L3MBTL4: variants seen among roughly 807,000 people sequenced by gnomAD.
L3MBTL4 encodes the protein L3MBTL histone methyl-lysine binding protein 4.
Under a neutral mutation model 84.5 loss-of-function variants are expected in L3MBTL4, and 70 were observed. That is an observed-to-expected ratio of 0.83 (90% CI 0.68 to 1.01). L3MBTL4 has a LOEUF of 1.01. Among genes scored for constraint, L3MBTL4 ranks in the 50% least tolerant of loss-of-function variants. L3MBTL4 has a pLI of 0.00. For synonymous variants in L3MBTL4, 274 were observed against 259.8 expected (o/e 1.05, Z -0.52); for missense variants, 715 against 754.8 (o/e 0.95, Z 0.62).
intron 12 of L3MBTL4, among the ~76,000 whole-genome samples, chr18:6,187,094 TG>T (rs1191108578): frequency 2.6e-5 from 4 of 152,222 alleles, no homozygotes; most frequent in African/African-American, 7.2e-5. Context: ...ATAGATGATA[TG>T]GGTAAAAACA....
At chr18:6,087,367 G>A (rs1284498314) in intron 15 of L3MBTL4, among the ~76,000 whole-genome samples, 1 of 152,164 alleles carries the variant, frequency 6.6e-6, no homozygotes, top group Admixed American at 6.5e-5. Context: ...CAGTGCTGAT[G>A]AAATAGCAAA....
rs759421520 is a variant in L3MBTL4 at position 6,238,004 on chromosome 18, A to T, written c.744T>A (p.Gly248=). The T allele has an allele frequency of 1.2e-6, 2 of 1,614,190 alleles. No homozygotes were observed. The highest frequency in any genetic ancestry group is 2.2e-5 in the South Asian group (2 of 91,090). The change falls in exon 10 of 19, where the codon GGT becomes GGA. Residue 248 remains glycine (G), a synonymous_variant. Transcript: ENST00000317931. ...GAGTTCTTCCATTCTCCTGACACCA[A>T]CCAACTGGCTGGACATAAGGGCTAT... ...DVNSPYVQPV[G]WCQENGRTLI...
rs75739205 is a variant in L3MBTL4 at position 6,117,393 on chromosome 18, T to C, written c.1199+20801A>G. Among the ~76,000 whole-genome samples the C allele has an allele frequency of 6.9e-4, 105 of 152,250 alleles. 2 individuals carry two copies. The East Asian group carries it at 0.019, about 28-fold the overall frequency. On this transcript the variant is annotated intron_variant, in intron 14 of 18. Transcript: ENST00000317931. ...CAGAAATTCTACAAAATAGCTACTG[T>C]AAGGGAAGTTAAGAGACCTCCCAGA...
intron 16 of L3MBTL4, among the ~76,000 whole-genome samples, chr18:5,983,965 G>A (rs2053353436): frequency 6.6e-6 from 1 of 152,158 alleles, no homozygotes. Flanking sequence ...AGGCTGGAGT[G>A]CAATTATGTA....
chr18:6,034,829 T>C (rs2056038654), intron 16 of L3MBTL4, among the ~76,000 whole-genome samples: 2 of 149,830 alleles, frequency 1.3e-5, no homozygotes, highest in Admixed American at 1.3e-4. Flanking sequence ...GACTTTTTAA[T>C]GATTGCCATT....
intron 4 of L3MBTL4, among the ~76,000 whole-genome samples, chr18:6,275,165 G>T (rs1476311305): frequency 1.3e-5 from 2 of 152,130 alleles, no homozygotes; most frequent in Non-Finnish European, 2.9e-5. Flanking sequence ...GGGAGTGTGT[G>T]TAGCATGGGG....
intron 13 of L3MBTL4, among the ~76,000 whole-genome samples, chr18:6,148,732 T>A (rs562619581): frequency 3.0e-4 from 46 of 152,180 alleles, no homozygotes; most frequent in African/African-American, 1.1e-3. Context: ...TGCCCAACCA[T>A]AAAGCACAGA....
At chr18:5,985,508 G>C (rs76046171) in intron 16 of L3MBTL4, among the ~76,000 whole-genome samples, 2,435 of 152,260 alleles carry the variant, frequency 0.016, 71 homozygotes, top group African/African-American at 0.056. Context: ...GGCACAAAAA[G>C]GGAATGGAAT....
At chr18:5,987,637 C>T (rs2053522857) in intron 16 of L3MBTL4, among the ~76,000 whole-genome samples, 1 of 152,210 alleles carries the variant, frequency 6.6e-6, no homozygotes, top group Admixed American at 6.5e-5. Context: ...ATATATCTTT[C>T]TCAATGTCTC....
intron 4 of L3MBTL4, among the ~76,000 whole-genome samples, chr18:6,280,182 G>A (rs2049265622): frequency 6.6e-6 from 1 of 152,178 alleles, no homozygotes; most frequent in South Asian, 2.1e-4. Flanking sequence ...TGAGGTAAAA[G>A]GAGGGTATTT....
At chr18:5,959,262 ACTTTTCTTGCC>A (rs1222394774) in intron 18 of L3MBTL4, among the ~76,000 whole-genome samples, 1 of 152,134 alleles carries the variant, frequency 6.6e-6, no homozygotes, top group African/African-American at 2.4e-5. Context: ...CTGGAATCCG[ACTTTTCTTGCC>A]CTTTTCTTGC....
At chr18:5,992,842 T>C (rs1316560108) in intron 16 of L3MBTL4, among the ~76,000 whole-genome samples, 2 of 152,216 alleles carry the variant, frequency 1.3e-5, no homozygotes, top group Non-Finnish European at 2.9e-5. Flanking sequence ...ATGCTTCCTG[T>C]ACAGCCTGCA....
At chr18:6,056,685 G>A (rs924327236) in intron 16 of L3MBTL4, among the ~76,000 whole-genome samples, 4 of 152,206 alleles carry the variant, frequency 2.6e-5, no homozygotes, top group African/African-American at 9.6e-5. Flanking sequence ...ACTTCTAATG[G>A]CACTTTCCGT....
chr18:6,017,816 C>T (rs1293621964), intron 16 of L3MBTL4: 3 of 152,304 alleles, frequency 2.0e-5, no homozygotes, highest in South Asian at 2.1e-4. Flanking sequence ...AAGATGTAGT[C>T]GTTCTGACAA....
intron 10 of L3MBTL4, among the ~76,000 whole-genome samples, chr18:6,216,978 T>C (rs1296254396): frequency 7.2e-5 from 11 of 152,186 alleles, no homozygotes. Flanking sequence ...TTAAAGTATG[T>C]TAGCATTTTC....
At chr18:6,111,864 T>G (rs1356623606) in intron 14 of L3MBTL4, among the ~76,000 whole-genome samples, 2 of 152,144 alleles carry the variant, frequency 1.3e-5, no homozygotes, top group Non-Finnish European at 2.9e-5. Context: ...TAAAATCTAC[T>G]CTCTTAGCAA....
At chr18:6,032,063 T>C (rs565339782) in intron 16 of L3MBTL4, 5 of 206,332 alleles carry the variant, frequency 2.4e-5, no homozygotes, top group South Asian at 1.7e-4. Context: ...GTGTAATCTC[T>C]GCCTCCCAGG....
intron 18 of L3MBTL4, 133 bp from the exon 19 acceptor site, chr18:5,956,520 A>C: frequency 1.4e-6 from 1 of 718,564 alleles, no homozygotes; most frequent in Non-Finnish European, 2.3e-6. Flanking sequence ...AGTGAGAGAG[A>C]ATGACGGTAG....
chr18:6,097,537 G>C (rs1598738801), intron 14 of L3MBTL4, among the ~76,000 whole-genome samples: 1 of 152,108 alleles, frequency 6.6e-6, no homozygotes, highest in Non-Finnish European at 1.5e-5. Context: ...TCCACGGCAG[G>C]GGTACCTGAT....
Sources: gnomAD v4.1 joint callset for allele counts (sites outside exome capture counted in the v4.1 genomes callset) on GRCh38, gnomAD v4.1.1 for gene constraint, MANE v1.5 for transcripts, NCBI Gene and HGNC (gene_info 2026-07-23, HGNC 2026-07-21) for gene names.